The following HSDL1 variants were observed in gnomAD, a reference collection of about 807,000 sequenced individuals.
HSDL1 encodes the protein inactive hydroxysteroid dehydrogenase-like protein 1.
Under a neutral mutation model 31.5 loss-of-function variants are expected in HSDL1, and 29 were observed. The observed-to-expected ratio is 0.92, with a 90% confidence interval of 0.69 to 1.26. The LOEUF (loss-of-function observed/expected upper bound fraction) is 1.26. HSDL1 is among the 50% of genes most tolerant of loss of function. HSDL1 has a pLI of 0.00. For missense variants in HSDL1, 503 were observed against 416.6 expected, an observed-to-expected ratio of 1.21 and a Z score of -1.81; for synonymous variants, 222 against 155.2, an observed-to-expected ratio of 1.43 and a Z score of -3.20.
intron 5 of HSDL1, among the ~76,000 whole-genome samples, chr16:84,128,270 C>T (rs963251548): frequency 2.7e-5 from 4 of 150,316 alleles, no homozygotes; most frequent in African/African-American, 9.8e-5. Flanking sequence ...GCCTGGGCAA[C>T]AAGAGCGGAA....
chr16:84,139,675 C>A (rs994350507), intron 1 of HSDL1, among the ~76,000 whole-genome samples: 1 of 152,156 alleles, frequency 6.6e-6, no homozygotes, highest in Non-Finnish European at 1.5e-5. Flanking sequence ...GATGGATGAA[C>A]AGTCAGTTCA....
At chr16:84,128,711 C>CTTT (rs757856268) in intron 5 of HSDL1, among the ~76,000 whole-genome samples, 1 of 142,982 alleles carries the variant, frequency 7.0e-6, no homozygotes, top group Non-Finnish European at 1.5e-5. Flanking sequence ...CAGCATATTT[C>CTTT]TTTTTTTTTT....
At chr16:84,144,577 A>G (rs1284943806) in intron 1 of HSDL1, 1 of 152,288 alleles carries the variant, frequency 6.6e-6, no homozygotes, top group Non-Finnish European at 1.5e-5. Flanking sequence ...TCCATTTTAG[A>G]AAAACACGGC....
At chr16:84,132,277 G>C (rs2086676652) in intron 2 of HSDL1, among the ~76,000 whole-genome samples, 1 of 152,262 alleles carries the variant, frequency 6.6e-6, no homozygotes, top group South Asian at 2.1e-4. Context: ...AGGGACAAAG[G>C]AGATGAAACA....
intron 5 of HSDL1, 153 bp from the exon 6 acceptor site, chr16:84,124,881 C>T: frequency 1.8e-6 from 1 of 549,768 alleles, no homozygotes; most frequent in South Asian, 2.3e-5. Context: ...AAATACCCAC[C>T]AATCAATCAC....
rs369930266 is a variant in HSDL1, at chr16:84,130,309, A to G, written c.343T>C (p.Tyr115His). 8 of 1,614,090 alleles carry G rather than the reference A, an allele frequency of 5.0e-6. No individual in the cohort carries two copies. The highest frequency in any genetic ancestry group is 6.8e-6 in the Non-Finnish European group (8 of 1,180,046). Reference protein sequence around the residue: ...QVVAKDIADTYKVETDIIVAD... With the variant: ...QVVAKDIADTHKVETDIIVAD... Reference sequence around the variant, plus strand: ...ACTATAATATCAGTTTCCACTTTGTACGTGTCGGCTATGTCTTTAGCAACA... The same window carrying G: ...ACTATAATATCAGTTTCCACTTTGTGCGTGTCGGCTATGTCTTTAGCAACA... Residue 115 changes from tyrosine (Y) to histidine (H), a missense_variant, in exon 4 of 6, where the codon TAC (tyrosine) becomes CAC (histidine). Coordinates refer to ENST00000219439, the MANE Select transcript of HSDL1 (RefSeq NM_031463.5).
intron 5 of HSDL1, among the ~76,000 whole-genome samples, chr16:84,125,754 T>G (rs1597370923): frequency 6.6e-6 from 1 of 152,364 alleles, no homozygotes; most frequent in African/African-American, 2.4e-5. Flanking sequence ...GTCCTGCATG[T>G]AAATACAATT....
rs1042534528 is a variant in HSDL1, at chr16:84,145,159, T to TGCCGC, written c.-153_-149dup. The TGCCGC allele has an allele frequency of 6.8e-5, 16 of 234,224 alleles. No homozygotes were observed. The highest frequency in any genetic ancestry group is 1.7e-4 in the South Asian group (1 of 5,830). The allele number at this position is 234,224 out of a possible 1,614,324, so 14.5% of individuals were successfully genotyped here. ...CCCCCGTCTCGGCCGCCGGAGCTGC[T>TGCCGC]GCCGCGCCGCGCCCTCACGTGACCC... On this transcript the variant is annotated 5_prime_UTR_variant, in exon 1 of 6. Transcript: ENST00000219439.
intron 1 of HSDL1, among the ~76,000 whole-genome samples, chr16:84,144,137 A>C (rs1284082705): frequency 6.6e-6 from 1 of 151,358 alleles, no homozygotes; most frequent in East Asian, 1.9e-4. Context: ...TTTATGCAAA[A>C]GACTCTGCTA....
At chr16:84,129,937 A>G in intron 4 of HSDL1, 49 bp downstream of exon 4, 1 of 1,562,282 alleles carries the variant, frequency 6.4e-7, no homozygotes, top group Non-Finnish European at 8.7e-7. Context: ...AACTGTTAAT[A>G]AATGTTCTGT....
At chr16:84,127,885 AT>A (rs1244999646) in intron 5 of HSDL1, among the ~76,000 whole-genome samples, 3 of 150,896 alleles carry the variant, frequency 2.0e-5, no homozygotes, top group Non-Finnish European at 3.0e-5. Flanking sequence ...CGCCTAGCTA[AT>A]TTTTTTGTAT....
chr16:84,128,343 G>A (rs1042239144), intron 5 of HSDL1, among the ~76,000 whole-genome samples: 3 of 151,660 alleles, frequency 2.0e-5, no homozygotes, highest in Non-Finnish European at 4.4e-5. Context: ...CCAGATAAAG[G>A]AACTGAAATA....
intron 5 of HSDL1, among the ~76,000 whole-genome samples, chr16:84,128,852 C>T (rs894340318): frequency 1.3e-5 from 2 of 151,942 alleles, no homozygotes; most frequent in African/African-American, 4.8e-5. Flanking sequence ...GGACTACAGG[C>T]ACACACCACT....
In HSDL1 at chr16:84,129,670, G is replaced by A; in HGVS notation, c.772C>T (p.Pro258Ser). The A allele has an allele frequency of 3.1e-6, 5 of 1,614,188 alleles. No homozygotes were observed. The highest frequency in any genetic ancestry group is 4.2e-6 in the Non-Finnish European group (5 of 1,180,024). ...GAGCACCTGTGCAGAAAGTTGCTGG[G>A]TGCTGTCATGCTGGTGGCTACATAG... ...PFYVATSMTA[P>S]SNFLHRCSWL... The change falls in exon 5 of 6, where the codon CCC becomes TCC. Residue 258 changes from proline to serine, a missense_variant. Physicochemically the swap from Pro to Ser is moderately conservative, Grantham distance 74 (BLOSUM62 -1). Transcript: ENST00000219439.
At position 84,124,504 on chromosome 16, in the gene HSDL1, G is replaced by A. The variant is rs1194265726; in HGVS notation, c.*126C>T. The A allele has an allele frequency of 1.5e-6, 1 of 662,286 alleles. No homozygotes were observed. The allele number at this position is 662,286 out of a possible 1,614,324, so 41.0% of individuals were successfully genotyped here. A position where few individuals can be genotyped will look rare whatever the true frequency, so the allele number is the denominator to read the frequency against. On this transcript the variant is annotated 3_prime_UTR_variant, in exon 6 of 6. Transcript: ENST00000219439. ...ACGGTATTATGTGTGTTTTGCAAATGACGAATCAACAGTATGCTGAATAAT... is the reference window on the plus strand; with the variant it reads ...ACGGTATTATGTGTGTTTTGCAAATAACGAATCAACAGTATGCTGAATAAT...
At chr16:84,125,571 C>G (rs1258398529) in intron 5 of HSDL1, among the ~76,000 whole-genome samples, 1 of 149,984 alleles carries the variant, frequency 6.7e-6, no homozygotes, top group Non-Finnish European at 1.5e-5. Flanking sequence ...ACAACAAATA[C>G]CCACCAGTCA....
intron 1 of HSDL1, among the ~76,000 whole-genome samples, chr16:84,138,250 A>G (rs1429185460): frequency 6.6e-6 from 1 of 152,244 alleles, no homozygotes; most frequent in Non-Finnish European, 1.5e-5. Flanking sequence ...TGTACAATCT[A>G]CCTGCAAGAA....
intron 5 of HSDL1, among the ~76,000 whole-genome samples, chr16:84,126,871 T>G (rs1227219872): frequency 6.6e-6 from 1 of 152,206 alleles, no homozygotes; most frequent in Non-Finnish European, 1.5e-5. Flanking sequence ...AATGATAGTG[T>G]TGAAAATAAT....
chr16:84,124,146 T>C lies in HSDL1; in HGVS notation c.*484A>G, dbSNP rs1407193207. The C allele has an allele frequency of 6.3e-6, 1 of 157,542 alleles. No individual in the cohort carries two copies. The highest frequency in any genetic ancestry group is 6.2e-5 in the Admixed American group (1 of 16,222). 9.8% of individuals were successfully genotyped at this position (157,542 alleles called of 1,614,324 possible). On this transcript the variant is annotated 3_prime_UTR_variant, in exon 6 of 6. Coordinates refer to ENST00000219439, the MANE Select transcript of HSDL1 (RefSeq NM_031463.5). ...TTACAGATAGTCAAACAGCTAGAGC[T>C]ATACAATACACACAGATTTTTCCTA...
Sources: allele counts gnomAD v4.1 joint callset (sites outside exome capture counted in the v4.1 genomes callset), GRCh38; gene constraint gnomAD v4.1.1; transcripts MANE v1.5; gene names NCBI Gene and HGNC (gene_info 2026-07-23, HGNC 2026-07-21).